LMO7: variants seen among roughly 807,000 people sequenced by gnomAD.
LMO7 encodes LIM domain 7.
Under a neutral mutation model 206.5 loss-of-function variants are expected in LMO7, and 120 were observed. The observed-to-expected ratio is 0.58, with a 90% CI of 0.50 to 0.68. LMO7 has a LOEUF of 0.68. LMO7 is among the 30% of genes least tolerant of loss of function. The pLI, the probability that LMO7 is intolerant of heterozygous loss-of-function variation, is 0.00. For synonymous variants in LMO7, 706 were observed against 681.5 expected (o/e 1.04, Z -0.56); for missense variants, 1,959 against 1,957.9 (o/e 1.00, Z -0.01).
Position 75,629,311 on chromosome 13 carries a change from T to C in LMO7, c.225+5991T>C, listed in dbSNP as rs1175865975. ...ACACACTCCAGTTAATAAACAGTTG[T>C]TGAATACTAGATATGTGTCAGGCAC... is the stretch of plus-strand genomic sequence containing the variant. On this transcript the variant is annotated intron_variant, in intron 2 of 29. Transcript: ENST00000341547. Among the ~76,000 whole-genome samples the C allele has an allele frequency of 2.0e-5, 3 of 152,292 alleles. No homozygotes were observed. The East Asian group carries it at 5.8e-4, about 29-fold the overall frequency.
At chr13:75,748,199 A>G (rs904135774) in intron 3 of LMO7, among the ~76,000 whole-genome samples, 1 of 152,222 alleles carries the variant, frequency 6.6e-6, no homozygotes, top group Non-Finnish European at 1.5e-5. Flanking sequence ...TAAATCAATG[A>G]GACTGATTTT....
chr13:75,833,881 T>A (rs1343031196), intron 16 of LMO7, among the ~76,000 whole-genome samples: 2 of 152,174 alleles, frequency 1.3e-5, no homozygotes, highest in African/African-American at 2.4e-5. Context: ...CCAGAATGTA[T>A]CTGAATTGGA....
chr13:75,741,113 T>G (rs970372532), intron 3 of LMO7, among the ~76,000 whole-genome samples: 1 of 152,208 alleles, frequency 6.6e-6, no homozygotes, highest in African/African-American at 2.4e-5. Flanking sequence ...AACTGCTAAA[T>G]TGTGGTTCTT....
upstream of LMO7, among the ~76,000 whole-genome samples, chr13:75,633,114 C>T (rs1310472304): frequency 4.6e-5 from 7 of 152,058 alleles, no homozygotes; most frequent in South Asian, 6.2e-4. Context: ...CCGCCCGCCT[C>T]GGCCTCCCAA....
chr13:75,790,982 C>CT (rs2053205686), intron 4 of LMO7, among the ~76,000 whole-genome samples: 1 of 128,270 alleles, frequency 7.8e-6, no homozygotes, highest in Admixed American at 7.4e-5. Flanking sequence ...CATATCTACC[C>CT]CTTTTTTTTT....
chr13:75,750,594 T>C (rs746758740), intron 3 of LMO7, among the ~76,000 whole-genome samples: 6 of 152,048 alleles, frequency 3.9e-5, no homozygotes, highest in Non-Finnish European at 7.4e-5. Flanking sequence ...AGGGTCTGAC[T>C]ATGTTGCCCA....
At chr13:75,652,537 T>C (rs2037681547) in intron 1 of LMO7, among the ~76,000 whole-genome samples, 1 of 152,104 alleles carries the variant, frequency 6.6e-6, no homozygotes, top group African/African-American at 2.4e-5. Context: ...GGTTATTGAC[T>C]TAAATTCATG....
chr13:75,778,756 G>T (rs1341788384), intron 4 of LMO7, among the ~76,000 whole-genome samples: 1 of 152,166 alleles, frequency 6.6e-6, no homozygotes, highest in African/African-American at 2.4e-5. Flanking sequence ...AGCTAAACTC[G>T]TTGAAGCTGT....
intron 15 of LMO7, among the ~76,000 whole-genome samples, chr13:75,832,827 A>C (rs2058786059): frequency 6.6e-6 from 1 of 152,192 alleles, no homozygotes; most frequent in African/African-American, 2.4e-5. Context: ...AAAAACATGT[A>C]ATGACAATAA....
At chr13:75,728,938 A>G (rs1221960430) in intron 3 of LMO7, among the ~76,000 whole-genome samples, 2 of 150,252 alleles carry the variant, frequency 1.3e-5, no homozygotes, top group African/African-American at 2.5e-5. Context: ...ATAGTTGTAG[A>G]TATGCAGCAT....
chr13:75,843,376 T>TAAAGTC, intron 25 of LMO7, among the ~76,000 whole-genome samples: 1 of 152,304 alleles, frequency 6.6e-6, no homozygotes, highest in East Asian at 1.9e-4. Context: ...TTAAGTTGTC[T>TAAAGTC]AAAGTCACAG....
At chr13:75,636,146 G>T, upstream of LMO7, 1 of 262,444 alleles carries the variant, frequency 3.8e-6, no homozygotes, top group Non-Finnish European at 5.9e-6. Context: ...GCGGCCCCTG[G>T]CGGACTGTGG....
At position 75,858,046 on chromosome 13, in the gene LMO7, T is replaced by A. The variant is rs532445404; in HGVS notation, c.*103T>A. ...TTGTATGTCTTTTTTGCTTTTTTTT[T>A]AAAAAAAAGAATAACTTTTTTTGCC... On this transcript the variant is annotated 3_prime_UTR_variant, in exon 31 of 31. Transcript: ENST00000377534. The A allele has an allele frequency of 9.1e-4, 1,250 of 1,369,632 alleles. 7 individuals carry two copies. In the African/African-American group the frequency reaches 0.01, roughly 11 times the overall value. The allele number at this position is 1,369,632 out of a possible 1,614,324, so 84.8% of individuals were successfully genotyped here. A position where few individuals can be genotyped will look rare whatever the true frequency, so the allele number is the denominator to read the frequency against.
Position 75,821,509 on chromosome 13 carries a change from G to T in LMO7, c.2540G>T (p.Ser847Ile). Residue 847 changes from serine to isoleucine, a missense_variant, in exon 14 of 31, where the codon AGT (serine) becomes ATT (isoleucine). Physicochemically the swap from Ser to Ile is moderately radical, Grantham distance 142. Transcript: ENST00000377534. The stretch of plus-strand genomic sequence containing the variant: ...CGTGTTTCAGCTTCTCTCCCCAGAA[G>T]TTACCGGAAAACTGATACAGTCAGG... The part of the protein sequence containing the change: ...STRVSASLPR[S>I]YRKTDTVRLT... The T allele has an allele frequency of 6.2e-7, 1 of 1,614,118 alleles. No individual in the cohort carries two copies. The highest frequency in any genetic ancestry group is 8.5e-7 in the Non-Finnish European group (1 of 1,179,988).
At chr13:75,677,958 C>A (rs1182489460) in intron 1 of LMO7, among the ~76,000 whole-genome samples, 4 of 152,082 alleles carry the variant, frequency 2.6e-5, no homozygotes, top group African/African-American at 4.8e-5. Flanking sequence ...CATGTCCCTA[C>A]AAATGACATG....
rs534047196 is a variant in LMO7 at position 75,815,196 on chromosome 13, T to C, written c.1947-1965T>C. Among the ~76,000 whole-genome samples the C allele has an allele frequency of 4.6e-5, 7 of 152,114 alleles. No individual in the cohort carries two copies. In the East Asian group the frequency reaches 1.4e-3, roughly 29 times the overall value. ...ATTATAATAATTGTAATAATCTGGG[T>C]AGGAGATGATGTGATAATTGTTATA... is the stretch of plus-strand genomic sequence containing the variant. On this transcript the variant is annotated intron_variant, in intron 11 of 30. Coordinates refer to ENST00000377534, the MANE Select transcript of LMO7 (RefSeq NM_001306080.2).
intron 14 of LMO7, among the ~76,000 whole-genome samples, chr13:75,822,762 C>CTATATA (rs66789925): frequency 0.041 from 4,387 of 108,128 alleles, 131 homozygotes; most frequent in African/African-American, 0.062. Flanking sequence ...TTTTTAGAAA[C>CTATATA]TATATATATA....
chr13:75,638,183 A>G (rs896850428), intron 1 of LMO7, among the ~76,000 whole-genome samples: 2 of 152,196 alleles, frequency 1.3e-5, no homozygotes, highest in African/African-American at 4.8e-5. Flanking sequence ...TGTTTTGGTC[A>G]TACATGGCTT....
At position 75,841,944 on chromosome 13, in the gene LMO7, T is replaced by C. The variant is rs781391299; in HGVS notation, c.3992T>C (p.Ile1331Thr). ...PAEEQKRQAE[I>T]ERETSVRIYQ... ...GAGGAGCAGAAGCGCCAGGCAGAGA[T>C]AGAGCGGGAAACATCAGTCAGAATA... is the stretch of plus-strand genomic sequence containing the variant. The change falls in exon 24 of 31, where the codon ATA becomes ACA. Residue 1331 changes from isoleucine to threonine, a missense_variant. Ile to Thr is a moderately conservative substitution (Grantham distance 89). Transcript: ENST00000377534. 2.5e-6 allele frequency: 4 copies of C among 1,612,504 alleles called. No homozygotes were observed. The highest frequency in any genetic ancestry group is 1.7e-5 in the Admixed American group (1 of 60,012).
Sources: allele counts gnomAD v4.1 joint callset (sites outside exome capture counted in the v4.1 genomes callset), GRCh38; gene constraint gnomAD v4.1.1; transcripts MANE v1.5; gene names NCBI Gene and HGNC (gene_info 2026-07-23, HGNC 2026-07-21).